Variants in PTPN9 observed in about 807,000 individuals in gnomAD.
PTPN9 encodes tyrosine-protein phosphatase non-receptor type 9.
Under a neutral mutation model 69.8 loss-of-function variants are expected in PTPN9, and 26 were observed. The ratio of observed to expected loss-of-function variants is 0.37; its 90% CI spans 0.27 to 0.52. PTPN9 has a LOEUF of 0.52. Among genes scored for constraint, PTPN9 ranks in the 20% least tolerant of loss-of-function variants. The pLI, the probability that PTPN9 is intolerant of heterozygous loss-of-function variation, is 0.91. For synonymous variants in PTPN9, 274 were observed against 272.5 expected, an observed-to-expected ratio of 1.01 and a Z score of -0.05; for missense variants, 549 against 740.3, an observed-to-expected ratio of 0.74 and a Z score of 3.00.
At chr15:75,568,233 C>T (rs890904988) in intron 1 of PTPN9, among the ~76,000 whole-genome samples, 3 of 151,976 alleles carry the variant, frequency 2.0e-5, no homozygotes, top group Non-Finnish European at 2.9e-5. Context: ...TGGCTCATGG[C>T]TGTAATCCCA....
chr15:75,512,385 G>T (rs1382708147), intron 5 of PTPN9, among the ~76,000 whole-genome samples: 2 of 151,710 alleles, frequency 1.3e-5, no homozygotes, highest in Non-Finnish European at 2.9e-5. Flanking sequence ...TACAGTCAGG[G>T]TCTTGCTACG....
chr15:75,478,910 A>T (rs1440328423), intron 9 of PTPN9, among the ~76,000 whole-genome samples: 1 of 152,192 alleles, frequency 6.6e-6, no homozygotes, highest in Non-Finnish European at 1.5e-5. Context: ...CTGTATTATG[A>T]TTTCCTCCTA....
chr15:75,545,060 A>G (rs904937101), intron 1 of PTPN9, among the ~76,000 whole-genome samples: 8 of 152,182 alleles, frequency 5.3e-5, no homozygotes, highest in Admixed American at 3.3e-4. Context: ...GTTATTGTCT[A>G]TCTGCTCCCA....
At chr15:75,470,558 T>C in intron 11 of PTPN9, 122 bp downstream of exon 11, 1 of 1,239,170 alleles carries the variant, frequency 8.1e-7, no homozygotes, top group Non-Finnish European at 1.1e-6. Flanking sequence ...ATCCTGTCCC[T>C]AGAAAAACAG....
At position 75,471,726 on chromosome 15, in the gene PTPN9, C is replaced by G. The variant is rs182646323; in HGVS notation, c.1209-896G>C. Among the ~76,000 whole-genome samples the G allele has an allele frequency of 5.9e-4, 87 of 148,692 alleles. 1 individual carries two copies. The East Asian group carries it at 0.017, about 30-fold the overall frequency. ...GGTCAGGAGTTCGAGACTAGCCTGG[C>G]CAACACGGTGAAACCCCATCTCTAC... On this transcript the variant is annotated intron_variant, in intron 10 of 12. Coordinates refer to ENST00000618819, the MANE Select transcript of PTPN9 (RefSeq NM_002833.4).
At chr15:75,531,333 G>C (rs1595962849) in intron 1 of PTPN9, among the ~76,000 whole-genome samples, 1 of 152,104 alleles carries the variant, frequency 6.6e-6, no homozygotes, top group Non-Finnish European at 1.5e-5. Flanking sequence ...GCTTTCAGAA[G>C]ATCATTCTGG....
In PTPN9 at chr15:75,524,405, A is replaced by G. The variant is rs1026460071; in HGVS notation, c.208-107T>C. 6.3e-5 allele frequency: 36 copies of G among 573,094 alleles called. No individual in the cohort carries two copies. In the South Asian group the frequency reaches 7.5e-4, roughly 12 times the overall value. 35.5% of individuals were successfully genotyped at this position (573,094 alleles called of 1,614,324 possible). On this transcript the variant is annotated intron_variant, in intron 2 of 12. Coordinates refer to ENST00000618819, the MANE Select transcript of PTPN9 (RefSeq NM_002833.4). The stretch of plus-strand genomic sequence containing the variant: ...AGATAAGGTGGTTATCAATGAATGA[A>G]TGAATTATAAATTTCATAACTAAAT...
chr15:75,496,892 A>G (rs2074745760), intron 7 of PTPN9, among the ~76,000 whole-genome samples: 1 of 152,160 alleles, frequency 6.6e-6, no homozygotes, highest in Non-Finnish European at 1.5e-5. Flanking sequence ...TAGGTAATGG[A>G]ACTGAGGGTA....
chr15:75,566,158 A>C (rs1392698648), intron 1 of PTPN9, among the ~76,000 whole-genome samples: 1 of 152,196 alleles, frequency 6.6e-6, no homozygotes, highest in African/African-American at 2.4e-5. Context: ...CAGGAACGTT[A>C]AATAAAACAC....
intron 1 of PTPN9, among the ~76,000 whole-genome samples, chr15:75,541,439 C>A (rs2075008361): frequency 7.0e-6 from 1 of 143,136 alleles, no homozygotes; most frequent in Non-Finnish European, 1.5e-5. Context: ...CAGAGTCTCG[C>A]TCTGTCGCCC....
At chr15:75,554,932 T>C (rs1248790744) in intron 1 of PTPN9, among the ~76,000 whole-genome samples, 2 of 152,298 alleles carry the variant, frequency 1.3e-5, no homozygotes, top group African/African-American at 4.8e-5. Flanking sequence ...CTGGCAGGTT[T>C]TCCTGGCTGA....
chr15:75,578,337 A>T (rs899208437), intron 1 of PTPN9, among the ~76,000 whole-genome samples: 2 of 152,236 alleles, frequency 1.3e-5, no homozygotes, highest in Non-Finnish European at 2.9e-5. Context: ...TTCAAAAGCC[A>T]CAAACCCTCA....
chr15:75,552,802 T>C (rs542856683), intron 1 of PTPN9, among the ~76,000 whole-genome samples: 86 of 147,474 alleles, frequency 5.8e-4, no homozygotes, highest in African/African-American at 2.0e-3. Flanking sequence ...ACCGGCAAAC[T>C]AGATATGGTC....
At chr15:75,471,609 G>GAAAA (rs35968452) in intron 10 of PTPN9, among the ~76,000 whole-genome samples, 1 of 102,760 alleles carries the variant, frequency 9.7e-6, no homozygotes, top group African/African-American at 3.4e-5. Context: ...TCTCAAAAAA[G>GAAAA]AAAAAAAAAA....
chr15:75,575,192 C>A (rs2075166466), intron 1 of PTPN9, among the ~76,000 whole-genome samples: 1 of 56,626 alleles, frequency 1.8e-5, no homozygotes, highest in Non-Finnish European at 3.2e-5. Context: ...CCAGGATGGT[C>A]TCGATCTCCT....
intron 1 of PTPN9, among the ~76,000 whole-genome samples, chr15:75,577,449 C>T (rs1317518700): frequency 6.6e-6 from 1 of 152,138 alleles, no homozygotes; most frequent in Non-Finnish European, 1.5e-5. Context: ...ACTGCAGTTA[C>T]CAGGACATTC....
chr15:75,513,289 T>C (rs1269838207), intron 5 of PTPN9: 1 of 456,134 alleles, frequency 2.2e-6, no homozygotes, highest in Non-Finnish European at 4.4e-6. Flanking sequence ...ATTTAGGTCC[T>C]GAAATAAATT....
intron 1 of PTPN9, among the ~76,000 whole-genome samples, chr15:75,556,755 TTAAA>T (rs1481073567): frequency 1.3e-5 from 2 of 152,246 alleles, no homozygotes; most frequent in South Asian, 2.1e-4. Flanking sequence ...TTCAGTTGCA[TTAAA>T]TAAATTCACA....
Position 75,482,629 on chromosome 15 carries a change from C to T in PTPN9, c.1063-2715G>A, listed in dbSNP as rs113669433. On this transcript the variant is annotated intron_variant, in intron 8 of 12. Coordinates refer to ENST00000618819, the MANE Select transcript of PTPN9 (RefSeq NM_002833.4). The stretch of plus-strand genomic sequence containing the variant: ...ATCCCTAATCTCAAGTAATCAGGGA[C>T]ACAAACACTGCGGAAGGCCGCAGGG... Among the ~76,000 whole-genome samples, 807 of 143,590 alleles carry T rather than the reference C, an allele frequency of 5.6e-3. 5 individuals are homozygous for T. The highest frequency in any genetic ancestry group is 0.019 in the African/African-American group (750 of 38,720). 94.2% of individuals were successfully genotyped at this position (143,590 alleles called of 152,430 possible). A position where few individuals can be genotyped will look rare whatever the true frequency, so the allele number is the denominator to read the frequency against.
Sources: gnomAD v4.1 joint callset for allele counts (sites outside exome capture counted in the v4.1 genomes callset) on GRCh38, gnomAD v4.1.1 for gene constraint, MANE v1.5 for transcripts, NCBI Gene and HGNC (gene_info 2026-07-23, HGNC 2026-07-21) for gene names.